The following NRXN1 variants were observed in gnomAD, a reference collection of about 807,000 sequenced individuals.
NRXN1 encodes the protein neurexin 1, also known as neurexin-1.
A neutral mutation model predicts 150.9 loss-of-function variants in NRXN1; 39 were observed. The observed-to-expected ratio is 0.26, with a 90% confidence interval of 0.20 to 0.34. NRXN1 has a LOEUF of 0.34. Ranked by LOEUF, NRXN1 falls within the 10% of genes least tolerant of loss-of-function variation. NRXN1 has a pLI of 1.00. For synonymous variants in NRXN1, 924 were observed against 757.0 expected, an observed-to-expected ratio of 1.22 and a Z score of -3.62; for missense variants, 1,815 against 1,949.9, an observed-to-expected ratio of 0.93 and a Z score of 1.30.
intron 2 of NRXN1, among the ~76,000 whole-genome samples, chr2:50,956,979 A>G (rs1185753869): frequency 4.6e-5 from 7 of 152,116 alleles, no homozygotes; most frequent in Non-Finnish European, 8.8e-5. Context: ...ACCACACACA[A>G]TAGTATCCAT....
chr2:50,026,717 C>A (rs1221967306), intron 21 of NRXN1, among the ~76,000 whole-genome samples: 1 of 151,876 alleles, frequency 6.6e-6, no homozygotes, highest in Non-Finnish European at 1.5e-5. Context: ...TTTTTCACTT[C>A]CTTTTTAGAT....
chr2:50,546,777 AT>A (rs1432398823), intron 9 of NRXN1, among the ~76,000 whole-genome samples: 1 of 152,160 alleles, frequency 6.6e-6, no homozygotes, highest in Non-Finnish European at 1.5e-5. Context: ...TTGGTAAGGT[AT>A]TTCGGTGTTT....
At chr2:50,498,145 T>C (rs575577081) in intron 13 of NRXN1, among the ~76,000 whole-genome samples, 1 of 152,276 alleles carries the variant, frequency 6.6e-6, no homozygotes, top group Admixed American at 6.5e-5. Context: ...GGATAGGTGA[T>C]GTTATTCCTT....
At chr2:50,061,087 C>A (rs751382876) in intron 19 of NRXN1, among the ~76,000 whole-genome samples, 1 of 152,106 alleles carries the variant, frequency 6.6e-6, no homozygotes, top group Non-Finnish European at 1.5e-5. Context: ...AAAAATGTTG[C>A]ATACTAAAAG....
At chr2:50,686,140 A>G (rs762643151) in intron 5 of NRXN1, among the ~76,000 whole-genome samples, 3 of 152,148 alleles carry the variant, frequency 2.0e-5, no homozygotes, top group African/African-American at 7.2e-5. Context: ...CTAGCAAAAA[A>G]CAAACAAAGA....
intron 8 of NRXN1, among the ~76,000 whole-genome samples, chr2:50,553,604 A>C (rs150002909): frequency 3.0e-4 from 46 of 152,358 alleles, no homozygotes; most frequent in African/African-American, 1.1e-3. Flanking sequence ...TATATAACTA[A>C]GATACAGAAG....
At chr2:50,787,045 T>C (rs1705227455) in intron 5 of NRXN1, among the ~76,000 whole-genome samples, 1 of 152,146 alleles carries the variant, frequency 6.6e-6, no homozygotes, top group Admixed American at 6.6e-5. Context: ...TTACTAACAC[T>C]GTTGGGAAAA....
chr2:49,973,844 T>G (rs1678411943), intron 21 of NRXN1: 1 of 589,876 alleles, frequency 1.7e-6, no homozygotes, highest in Admixed American at 3.1e-5. Flanking sequence ...AATCTTAAAA[T>G]TAGTTTATCC....
intron 2 of NRXN1, among the ~76,000 whole-genome samples, chr2:50,951,940 T>TAA (rs1691402708): frequency 7.7e-6 from 1 of 129,824 alleles, no homozygotes; most frequent in Non-Finnish European, 1.6e-5. Context: ...TGTACATGAA[T>TAA]AAATATATAT....
chr2:50,984,692 C>T (rs1047616917), intron 2 of NRXN1, among the ~76,000 whole-genome samples: 4 of 151,974 alleles, frequency 2.6e-5, no homozygotes, highest in African/African-American at 7.2e-5. Flanking sequence ...AAGTATATTG[C>T]CCTGTATCTT....
intron 8 of NRXN1, among the ~76,000 whole-genome samples, chr2:50,590,523 C>T (rs1418383420): frequency 6.6e-6 from 1 of 152,126 alleles, no homozygotes; most frequent in Non-Finnish European, 1.5e-5. Context: ...CTAACATTAA[C>T]TCACTGTTAC....
chr2:49,995,697 C>T (rs1377653801), intron 21 of NRXN1, among the ~76,000 whole-genome samples: 7 of 140,110 alleles, frequency 5.0e-5, no homozygotes, highest in African/African-American at 1.9e-4. Flanking sequence ...AGGAGAATGG[C>T]GTAAACCTGG....
chr2:50,053,691 A>G, intron 20 of NRXN1, 101 bp from the exon 21 acceptor site: 2 of 1,187,956 alleles, frequency 1.7e-6, no homozygotes, highest in Non-Finnish European at 2.5e-6. Flanking sequence ...TAATGAGAGC[A>G]ATAAACTATA....
chr2:50,604,780 G>A (rs1474653704), intron 8 of NRXN1, among the ~76,000 whole-genome samples: 1 of 151,994 alleles, frequency 6.6e-6, no homozygotes, highest in Non-Finnish European at 1.5e-5. Context: ...TCATTTGAAT[G>A]TAATTACAAT....
rs555070379 is a variant in NRXN1 at position 50,894,764 on chromosome 2, C to T, written c.832+27105G>A. ...TATGTTATATTACTGAATCCAGTGG[C>T]AGAGGATATCATTTGAGGAATGCTG... On this transcript the variant is annotated intron_variant, in intron 5 of 22. Transcript: ENST00000401669. Among the ~76,000 whole-genome samples, 3 of 152,104 alleles carry T rather than the reference C, an allele frequency of 2.0e-5. No individual in the cohort carries two copies. In the South Asian group the frequency reaches 6.2e-4, roughly 32 times the overall value.
chr2:50,642,671 G>A (rs1165628257), intron 5 of NRXN1, among the ~76,000 whole-genome samples: 1 of 151,930 alleles, frequency 6.6e-6, no homozygotes, highest in African/African-American at 2.4e-5. Context: ...ATCTTTTTCT[G>A]TTATTAGTAT....
At chr2:50,268,322 T>C (rs375677961) in intron 17 of NRXN1, among the ~76,000 whole-genome samples, 1 of 152,216 alleles carries the variant, frequency 6.6e-6, no homozygotes, top group African/African-American at 2.4e-5. Flanking sequence ...TTAATTTTCA[T>C]AAACACATAA....
intron 15 of NRXN1, among the ~76,000 whole-genome samples, chr2:50,473,937 A>G (rs2089747892): frequency 6.6e-6 from 1 of 152,006 alleles, no homozygotes; most frequent in Non-Finnish European, 1.5e-5. Context: ...GGCATACTCA[A>G]AGTCATTCAA....
chr2:50,812,889 A>T (rs1445661660), intron 5 of NRXN1, among the ~76,000 whole-genome samples: 3 of 152,072 alleles, frequency 2.0e-5, no homozygotes, highest in East Asian at 3.9e-4. Context: ...ATGGTTTTAA[A>T]TTTTTGTTTG....
Sources: allele counts gnomAD v4.1 joint callset (sites outside exome capture counted in the v4.1 genomes callset), GRCh38; gene constraint gnomAD v4.1.1; transcripts MANE v1.5; gene names NCBI Gene and HGNC (gene_info 2026-07-23, HGNC 2026-07-21).